Variants in AGPAT5 observed in about 807,000 individuals in gnomAD.
AGPAT5 encodes 1-acyl-sn-glycerol-3-phosphate acyltransferase epsilon.
AGPAT5 carries 46 observed loss-of-function variants against 45.6 expected under a neutral mutation model. The observed-to-expected ratio is 1.01, with a 90% CI of 0.80 to 1.29. The LOEUF is 1.29. Among genes scored for constraint, AGPAT5 ranks in the 50% most tolerant of loss-of-function variants. AGPAT5 has a pLI of 0.00. For synonymous variants in AGPAT5, 272 were observed against 167.0 expected, an observed-to-expected ratio of 1.63 and a Z score of -4.85; for missense variants, 673 against 450.7, an observed-to-expected ratio of 1.49 and a Z score of -4.47.
At chr8:6,750,674 T>C (rs1253243682) in intron 6 of AGPAT5, among the ~76,000 whole-genome samples, 1 of 152,018 alleles carries the variant, frequency 6.6e-6, no homozygotes, top group Non-Finnish European at 1.5e-5. Context: ...CATTTCACAT[T>C]TAACCTCATT....
At chr8:6,732,517 T>G in intron 3 of AGPAT5, 44 bp from the exon 4 acceptor site, 1 of 1,529,156 alleles carries the variant, frequency 6.5e-7, no homozygotes, top group Non-Finnish European at 8.8e-7. Flanking sequence ...GGCCAATTGT[T>G]ATTTTAAAAG....
intron 1 of AGPAT5, among the ~76,000 whole-genome samples, chr8:6,721,078 G>T (rs936588799): frequency 6.6e-6 from 1 of 152,210 alleles, no homozygotes; most frequent in African/African-American, 2.4e-5. Flanking sequence ...AATTGTGTTT[G>T]TATTGATTAT....
At chr8:6,753,288 G>T (rs1045137096) in intron 6 of AGPAT5, among the ~76,000 whole-genome samples, 2 of 152,142 alleles carry the variant, frequency 1.3e-5, no homozygotes, top group Non-Finnish European at 2.9e-5. Flanking sequence ...AATGCAGTCT[G>T]TTCCATCTTC....
chr8:6,752,758 A>G (rs967733783), intron 6 of AGPAT5, among the ~76,000 whole-genome samples: 5 of 152,236 alleles, frequency 3.3e-5, no homozygotes, highest in Admixed American at 2.6e-4. Flanking sequence ...CTCATGTAAC[A>G]TGAACTATCC....
intron 7 of AGPAT5, among the ~76,000 whole-genome samples, chr8:6,756,840 G>A (rs536728184): frequency 1.3e-5 from 2 of 152,088 alleles, no homozygotes; most frequent in Admixed American, 6.5e-5. Flanking sequence ...AAGCTGCAGC[G>A]GGTTATTAGC....
At chr8:6,723,735 G>A (rs1800586768) in intron 1 of AGPAT5, among the ~76,000 whole-genome samples, 1 of 152,206 alleles carries the variant, frequency 6.6e-6, no homozygotes, top group Admixed American at 6.5e-5. Flanking sequence ...GCACTGTGCA[G>A]TTTCTAAGGA....
Position 6,760,100 on chromosome 8 carries a change from T to G in AGPAT5, c.*2712T>G, listed in dbSNP as rs1801982537. ...GGTTACATAAGCTTTATTTTTTCCTTTGTTCATAATTATATTCTTTGAATA... is the reference window on the plus strand; with the variant it reads ...GGTTACATAAGCTTTATTTTTTCCTGTGTTCATAATTATATTCTTTGAATA... On this transcript the variant is annotated 3_prime_UTR_variant, in exon 8 of 8. Coordinates refer to ENST00000285518, the MANE Select transcript of AGPAT5 (RefSeq NM_018361.5). Among the ~76,000 whole-genome samples, 1 of 152,208 alleles carries G rather than the reference T, an allele frequency of 6.6e-6. No homozygotes were observed. The highest frequency in any genetic ancestry group is 1.5e-5 in the Non-Finnish European group (1 of 68,048).
intron 6 of AGPAT5, among the ~76,000 whole-genome samples, chr8:6,751,022 A>G (rs1245901739): frequency 6.6e-6 from 1 of 151,886 alleles, no homozygotes; most frequent in African/African-American, 2.4e-5. Context: ...AGCTTGAAAA[A>G]ACTCTGCTTT....
At chr8:6,716,908 T>A (rs1449145722) in intron 1 of AGPAT5, among the ~76,000 whole-genome samples, 1 of 152,162 alleles carries the variant, frequency 6.6e-6, no homozygotes, top group Non-Finnish European at 1.5e-5. Context: ...TGTGTTTCTG[T>A]GGAAATGTAT....
At chr8:6,753,827 C>G (rs1801736225) in intron 6 of AGPAT5, among the ~76,000 whole-genome samples, 1 of 152,120 alleles carries the variant, frequency 6.6e-6, no homozygotes, top group African/African-American at 2.4e-5. Flanking sequence ...CAGTTTACTC[C>G]TGGAAGTGTG....
chr8:6,723,458 G>A (rs937356893), intron 1 of AGPAT5, among the ~76,000 whole-genome samples: 5 of 138,612 alleles, frequency 3.6e-5, no homozygotes, highest in African/African-American at 1.1e-4. Context: ...GACCCCGCCC[G>A]CCCACTCCAC....
At chr8:6,756,421 G>A (rs2116970884) in intron 7 of AGPAT5, among the ~76,000 whole-genome samples, 1 of 152,156 alleles carries the variant, frequency 6.6e-6, no homozygotes, top group South Asian at 2.1e-4. Flanking sequence ...GAGCCCAGAA[G>A]TTCAAGACAG....
chr8:6,744,837 T>C (rs183630724), intron 5 of AGPAT5, among the ~76,000 whole-genome samples: 2 of 152,320 alleles, frequency 1.3e-5, no homozygotes, highest in African/African-American at 2.4e-5. Flanking sequence ...GCTGGGCTGT[T>C]CTGTTCCTGC....
intron 7 of AGPAT5, 147 bp from the exon 8 acceptor site, chr8:6,757,016 A>C: frequency 1.6e-6 from 1 of 627,746 alleles, no homozygotes; most frequent in South Asian, 2.1e-5. Flanking sequence ...ACTTCTATTA[A>C]ACCAAGTTTC....
rs559054336 is a variant in AGPAT5 at position 6,726,160 on chromosome 8, A to G, written c.289+1221A>G. Among the ~76,000 whole-genome samples, 81 of 152,334 alleles carry G rather than the reference A, an allele frequency of 5.3e-4. No homozygotes were observed. The South Asian group carries it at 0.014, about 26-fold the overall frequency. ...TAGCAAAACAGTCAACCAATGGTCAATGCTGCTGAGAACTCTGGCCTGTGC... is the reference window on the plus strand; with the variant it reads ...TAGCAAAACAGTCAACCAATGGTCAGTGCTGCTGAGAACTCTGGCCTGTGC... On this transcript the variant is annotated intron_variant, in intron 2 of 7. Transcript: ENST00000285518.
chr8:6,752,182 A>G (rs1801678725), intron 6 of AGPAT5, among the ~76,000 whole-genome samples: 1 of 152,220 alleles, frequency 6.6e-6, no homozygotes, highest in African/African-American at 2.4e-5. Context: ...GCCTAAAAAA[A>G]AAGGGATCAG....
At chr8:6,739,105 T>G (rs985771055) in intron 4 of AGPAT5, among the ~76,000 whole-genome samples, 1 of 152,292 alleles carries the variant, frequency 6.6e-6, no homozygotes, top group Non-Finnish European at 1.5e-5. Context: ...GATGGGTCTG[T>G]TATCCCTAGA....
intron 3 of AGPAT5, among the ~76,000 whole-genome samples, chr8:6,731,808 C>A (rs1800873092): frequency 6.6e-6 from 1 of 152,044 alleles, no homozygotes; most frequent in Non-Finnish European, 1.5e-5. Flanking sequence ...GGCTAGACAT[C>A]CAAGATCAAG....
intron 4 of AGPAT5, among the ~76,000 whole-genome samples, chr8:6,733,122 A>G (rs1159989952): frequency 2.0e-5 from 3 of 152,250 alleles, no homozygotes; most frequent in African/African-American, 7.2e-5. Flanking sequence ...ATAATATTTT[A>G]TAAAACTTTA....
Sources: allele counts gnomAD v4.1 joint callset (sites outside exome capture counted in the v4.1 genomes callset), GRCh38; gene constraint gnomAD v4.1.1; transcripts MANE v1.5; gene names NCBI Gene and HGNC (gene_info 2026-07-23, HGNC 2026-07-21).